Variants in VPS16 observed in about 807,000 individuals in gnomAD.
VPS16 encodes the protein VPS16 core subunit of CORVET and HOPS complexes.
A neutral mutation model predicts 116.0 loss-of-function variants in VPS16; 82 were observed. The ratio of observed to expected loss-of-function variants is 0.71; its 90% confidence interval spans 0.59 to 0.85. The LOEUF is 0.85. VPS16 is among the 40% of genes least tolerant of loss of function. VPS16 has a pLI of 0.00. For missense variants in VPS16, 928 were observed against 1,090.6 expected (o/e 0.85, Z 2.10); for synonymous variants, 406 against 420.7 (o/e 0.96, Z 0.43).
chr20:2,861,392 T>A, intron 8 of VPS16, 112 bp downstream of exon 8: 1 of 1,521,858 alleles, frequency 6.6e-7, no homozygotes, highest in Non-Finnish European at 9.0e-7. Flanking sequence ...GGAGTTTGGA[T>A]CTTACCTTCT....
intron 1 of VPS16, among the ~76,000 whole-genome samples, chr20:2,854,877 A>G (rs1017099073): frequency 5.3e-5 from 8 of 149,976 alleles, no homozygotes; most frequent in African/African-American, 2.0e-4. Flanking sequence ...ATGTTGTGTT[A>G]GAAGGCATAA....
Position 2,860,149 on chromosome 20 carries a change from C to T in VPS16, c.238C>T (p.Leu80=). ...TTCCGGCATGCCTCTGGCCAGCCTG[C>T]TGGTGAGCACTTCTGATGGTCCCTG... ...SASGMPLASL[L]WKSGPVVSLG... The change falls in exon 3 of 24, where the codon CTG becomes TTG. Residue 80 remains leucine (L), a splice_region_variant and synonymous_variant. Coordinates refer to ENST00000380445, the MANE Select transcript of VPS16 (RefSeq NM_022575.4). The surrounding 1 kb of genome is among the most constrained non-coding windows in gnomAD (Gnocchi z 6.1). 1 of 1,614,050 alleles carries T rather than the reference C, an allele frequency of 6.2e-7. No individual in the cohort carries two copies. Among genetic ancestry groups the T allele is most frequent in the Non-Finnish European group, 8.5e-7 (1 of 1,180,006 alleles).
intron 1 of VPS16, 21 bp downstream of exon 1, chr20:2,840,848 G>A: frequency 1.3e-6 from 1 of 754,092 alleles, no homozygotes; most frequent in South Asian, 1.5e-5. Flanking sequence ...CCGCCCTCCC[G>A]CCCACGGCCT....
At position 2,861,147 on chromosome 20, in the gene VPS16, T is replaced by C. The variant is rs1031816625; in HGVS notation, c.753+55T>C. The C allele has an allele frequency of 1.9e-6, 3 of 1,613,978 alleles. No individual in the cohort carries two copies. The African/African-American group carries it at 4.0e-5, about 22-fold the overall frequency. ...GTGCCTTGTCCAGGGTACAAGATCTTTTGGTGATGCGGGAGGGCTTTTCGA... is the reference window on the plus strand; with the variant it reads ...GTGCCTTGTCCAGGGTACAAGATCTCTTGGTGATGCGGGAGGGCTTTTCGA... On this transcript the variant is annotated intron_variant, in intron 7 of 23. Coordinates refer to ENST00000380445, the MANE Select transcript of VPS16 (RefSeq NM_022575.4).
rs1344640282 is a variant in VPS16 at position 2,865,519 on chromosome 20, C to T, written c.2271+24C>T. The T allele has an allele frequency of 3.1e-6, 5 of 1,604,844 alleles. No individual in the cohort carries two copies. Among genetic ancestry groups the T allele is most frequent in the Non-Finnish European group, 4.3e-6 (5 of 1,173,976 alleles). ...TGGTGAGGCAGGGTCCTCCCTCCAG[C>T]CCACTTCCAGTGAGGGTAGTCTTCG... On this transcript the variant is annotated intron_variant, in intron 22 of 23. Transcript: ENST00000380445. This position sits in a 1 kb window ranked among gnomAD's most constrained non-coding sequence, Gnocchi z 5.2.
chr20:2,847,705 C>T (rs1459383114), intron 1 of VPS16, among the ~76,000 whole-genome samples: 2 of 152,024 alleles, frequency 1.3e-5, no homozygotes, highest in African/African-American at 4.8e-5. Flanking sequence ...TCTTGATCTC[C>T]TGACCTCATG....
chr20:2,855,882 A>G (rs1173926595), intron 1 of VPS16, among the ~76,000 whole-genome samples: 1 of 152,210 alleles, frequency 6.6e-6, no homozygotes, highest in African/African-American at 2.4e-5. Flanking sequence ...GATCTTATAC[A>G]TAGTTCACTA....
chr20:2,852,014 G>A (rs2089127629), intron 1 of VPS16, among the ~76,000 whole-genome samples: 1 of 152,166 alleles, frequency 6.6e-6, no homozygotes, highest in South Asian at 2.1e-4. Flanking sequence ...GGACATTGGT[G>A]GAAACACTAG....
intron 1 of VPS16, among the ~76,000 whole-genome samples, chr20:2,855,819 T>G (rs1034574758): frequency 1.3e-5 from 2 of 152,234 alleles, no homozygotes; most frequent in East Asian, 3.8e-4. Flanking sequence ...TTTATAGAAT[T>G]TAAAGAGTTA....
intron 1 of VPS16, among the ~76,000 whole-genome samples, chr20:2,857,213 G>A (rs141531050): frequency 0.013 from 1,947 of 152,230 alleles, 41 homozygotes; most frequent in African/African-American, 0.044. Context: ...CTGACCTCAG[G>A]TGATCTTCCC....
At position 2,866,609 on chromosome 20, in the gene VPS16, C is replaced by G; in HGVS notation, c.*35C>G. The G allele has an allele frequency of 1.9e-6, 3 of 1,610,836 alleles. No homozygotes were observed. Among genetic ancestry groups the G allele is most frequent in the Non-Finnish European group, 1.7e-6 (2 of 1,178,438 alleles). ...CCTGTACATCTCAAGCAAGGGGTTC[C>G]TCCCCTAGCACCTGGGCTTGGCAGA... On this transcript the variant is annotated 3_prime_UTR_variant, in exon 24 of 24. Transcript: ENST00000380445.
rs767986817 is a variant in VPS16, at chr20:2,860,587, G to A, written c.508G>A (p.Val170Met). The change falls in exon 5 of 24, where the codon GTG (valine) becomes ATG (methionine). Residue 170 changes from valine to methionine, a missense_variant. Val to Met is a conservative substitution (Grantham distance 21, BLOSUM62 1). Transcript: ENST00000380445. This position sits in a 1 kb window ranked among gnomAD's most constrained non-coding sequence, Gnocchi z 6.1. ...GDLKLRRMPE[V>M]PGLQSAPSCW... ...CCTCAAACTCCGCCGGATGCCAGAG[G>A]TGCCAGGTAAGCCCTGACACCGCTG... 3.3e-5 allele frequency: 54 copies of A among 1,613,526 alleles called. No homozygotes were observed. Among genetic ancestry groups the A allele is most frequent in the Non-Finnish European group, 4.6e-5 (54 of 1,179,998 alleles).
chr20:2,866,591 A>G lies in VPS16; in HGVS notation c.*17A>G. 1.2e-6 allele frequency: 2 copies of G among 1,612,956 alleles called. No individual in the cohort carries two copies. The highest frequency in any genetic ancestry group is 1.3e-5 in the African/African-American group (1 of 75,010). On this transcript the variant is annotated 3_prime_UTR_variant, in exon 24 of 24. Coordinates refer to ENST00000380445, the MANE Select transcript of VPS16 (RefSeq NM_022575.4). ...AAGAAGTGAGGAGTCCATCCTGTAC[A>G]TCTCAAGCAAGGGGTTCCTCCCCTA...
At chr20:2,844,305 G>T (rs2089037718) in intron 1 of VPS16, among the ~76,000 whole-genome samples, 1 of 152,216 alleles carries the variant, frequency 6.6e-6, no homozygotes, top group African/African-American at 2.4e-5. Flanking sequence ...ACAGGTGGCA[G>T]ACATTACATT....
chr20:2,850,980 A>AG (rs1328582959), intron 1 of VPS16, among the ~76,000 whole-genome samples: 20 of 150,808 alleles, frequency 1.3e-4, no homozygotes, highest in South Asian at 4.2e-4. Context: ...AAAAAAAAAA[A>AG]AAAGAAAAAG....
Position 2,862,130 on chromosome 20 carries a change from G to T in VPS16, c.1071G>T (p.Glu357Asp). 1 of 1,613,236 alleles carries T rather than the reference G, an allele frequency of 6.2e-7. No homozygotes were observed. The highest frequency in any genetic ancestry group is 8.5e-7 in the Non-Finnish European group (1 of 1,179,672). Residue 357 changes from glutamate to aspartate, a missense_variant and splice_region_variant, in exon 11 of 24, where the codon GAG becomes GAT. Coordinates refer to ENST00000380445, the MANE Select transcript of VPS16 (RefSeq NM_022575.4). Reference sequence around the variant, plus strand: ...TCCTGGAGGCTCAGAAGGAGTATGAGGTAAAGCCCTGGGCTTCTCTCCCAG... The same window carrying T: ...TCCTGGAGGCTCAGAAGGAGTATGATGTAAAGCCCTGGGCTTCTCTCCCAG... ...ALLLEAQKEY[E>D]KESQKADEYL...
rs765383179 is a variant in VPS16 at position 2,865,389 on chromosome 20, T to G, written c.2175-10T>G. The G allele has an allele frequency of 1.9e-5, 31 of 1,613,964 alleles. No individual in the cohort carries two copies. Among genetic ancestry groups the G allele is most frequent in the Non-Finnish European group, 2.5e-5 (29 of 1,179,978 alleles). On this transcript the variant is annotated splice_polypyrimidine_tract_variant and intron_variant, in intron 21 of 23. Coordinates refer to ENST00000380445, the MANE Select transcript of VPS16 (RefSeq NM_022575.4). The surrounding 1 kb of genome is among the most constrained non-coding windows in gnomAD (Gnocchi z 5.2). ...CTCCTGCAACACCTCCAAGCCCAGCTTTCCTGCAGGCTCTGGTGGCTGAAG... is the reference window on the plus strand; with the variant it reads ...CTCCTGCAACACCTCCAAGCCCAGCGTTCCTGCAGGCTCTGGTGGCTGAAG...
intron 1 of VPS16, among the ~76,000 whole-genome samples, chr20:2,843,902 T>G (rs1391634295): frequency 6.6e-6 from 1 of 152,264 alleles, no homozygotes; most frequent in Non-Finnish European, 1.5e-5. Context: ...TGTTTTAAGT[T>G]GCTAACAGCT....
chr20:2,861,716 G>T lies in VPS16; in HGVS notation c.899+12G>T. 1.2e-6 allele frequency: 2 copies of T among 1,612,680 alleles called. No homozygotes were observed. Among genetic ancestry groups the T allele is most frequent in the Non-Finnish European group, 1.7e-6 (2 of 1,179,530 alleles). On this transcript the variant is annotated intron_variant, in intron 9 of 23. Coordinates refer to ENST00000380445, the MANE Select transcript of VPS16 (RefSeq NM_022575.4). ...CCCGAGAGCATCCAGTATCCTTGGA[G>T]GGCTGCCTGTGTGTGGAGAGAGGGG...
Sources: allele counts gnomAD v4.1 joint callset (sites outside exome capture counted in the v4.1 genomes callset), GRCh38; gene constraint gnomAD v4.1.1; non-coding constraint Gnocchi (gnomAD v3.1); transcripts MANE v1.5; gene names NCBI Gene and HGNC (gene_info 2026-07-23, HGNC 2026-07-21).